Variants in FBXL17 observed in about 807,000 individuals in gnomAD.
FBXL17 encodes F-box/LRR-repeat protein 17.
A neutral mutation model predicts 66.2 loss-of-function variants in FBXL17; 22 were observed. The observed-to-expected ratio is 0.33, with a 90% CI of 0.24 to 0.47. The LOEUF is 0.47. FBXL17 is among the 20% of genes least tolerant of loss of function. The probability of loss-of-function intolerance (pLI) is 1.00; values close to 1 mark genes in which losing one functional copy is unlikely to be tolerated. For synonymous variants in FBXL17, 474 were observed against 400.5 expected (o/e 1.18, Z -2.19); for missense variants, 878 against 948.2 (o/e 0.93, Z 0.97).
In FBXL17 at chr5:108,177,909, ATGTATAT is replaced by A. The variant is rs1385476946; in HGVS notation, c.1745+8201_1745+8207del. Among the ~76,000 whole-genome samples the A allele has an allele frequency of 2.9e-4, 15 of 51,548 alleles. 1 individual carries two copies. In the South Asian group the frequency reaches 0.011, roughly 36 times the overall value. 33.8% of individuals were successfully genotyped at this position (51,548 alleles called of 152,430 possible). A position where few individuals can be genotyped will look rare whatever the true frequency, so the allele number is the denominator to read the frequency against. On this transcript the variant is annotated intron_variant, in intron 6 of 8. Coordinates refer to ENST00000542267, the MANE Select transcript of FBXL17 (RefSeq NM_001163315.3). ...TATTATCCTTGCTCCAGAAAAAAAA[ATGTATAT>A]ATATATATATATATATACACACACA... is the stretch of plus-strand genomic sequence containing the variant.
intron 7 of FBXL17, among the ~76,000 whole-genome samples, chr5:107,908,526 A>C (rs1213805133): frequency 1.3e-5 from 2 of 152,194 alleles, no homozygotes; most frequent in Non-Finnish European, 2.9e-5. Context: ...CATACATAAA[A>C]ACTGAGATAT....
At chr5:108,062,221 T>C (rs1747951363) in intron 6 of FBXL17, among the ~76,000 whole-genome samples, 1 of 152,068 alleles carries the variant, frequency 6.6e-6, no homozygotes, top group Non-Finnish European at 1.5e-5. Flanking sequence ...AGAAGGTACA[T>C]TCAGTAGTAC....
chr5:108,253,027 G>C (rs1048230892), intron 4 of FBXL17, among the ~76,000 whole-genome samples: 1 of 152,066 alleles, frequency 6.6e-6, no homozygotes. Flanking sequence ...AGATTCCAAA[G>C]AACTGCAATA....
At chr5:108,147,422 C>A (rs1230042544) in intron 6 of FBXL17, among the ~76,000 whole-genome samples, 1 of 152,112 alleles carries the variant, frequency 6.6e-6, no homozygotes, top group African/African-American at 2.4e-5. Flanking sequence ...GTGGCTCATG[C>A]CTGTAGTCCC....
chr5:107,994,665 C>A (rs891850966), intron 7 of FBXL17, among the ~76,000 whole-genome samples: 1 of 151,896 alleles, frequency 6.6e-6, no homozygotes, highest in Non-Finnish European at 1.5e-5. Flanking sequence ...TGGTGAAACC[C>A]CATCTCTACC....
At chr5:108,094,683 G>A (rs1016477852) in intron 6 of FBXL17, among the ~76,000 whole-genome samples, 1 of 152,026 alleles carries the variant, frequency 6.6e-6, no homozygotes, top group African/African-American at 2.4e-5. Context: ...ATTGAAAATA[G>A]ATTCCTTTCA....
chr5:107,948,992 C>G (rs1243392008), intron 7 of FBXL17, among the ~76,000 whole-genome samples: 1 of 152,012 alleles, frequency 6.6e-6, no homozygotes, highest in East Asian at 1.9e-4. Context: ...TTGTCTTTTT[C>G]TCATCACTAT....
intron 6 of FBXL17, among the ~76,000 whole-genome samples, chr5:108,065,661 G>A (rs1295032762): frequency 7.2e-5 from 11 of 152,138 alleles, no homozygotes; most frequent in Admixed American, 3.3e-4. Flanking sequence ...CAGTCACATG[G>A]AGTATACTGC....
chr5:108,204,400 G>T (rs1754025822), intron 5 of FBXL17, among the ~76,000 whole-genome samples: 2 of 151,808 alleles, frequency 1.3e-5, no homozygotes, highest in South Asian at 2.1e-4. Flanking sequence ...AGCCCAGGCT[G>T]GTCTTGAACT....
At chr5:108,075,305 T>A (rs1748500347) in intron 6 of FBXL17, among the ~76,000 whole-genome samples, 1 of 152,224 alleles carries the variant, frequency 6.6e-6, no homozygotes, top group Non-Finnish European at 1.5e-5. Context: ...TCATTCTTTA[T>A]CTTCCTCTAA....
intron 7 of FBXL17, among the ~76,000 whole-genome samples, chr5:107,937,782 C>A (rs1406481639): frequency 6.6e-6 from 1 of 152,142 alleles, no homozygotes; most frequent in Non-Finnish European, 1.5e-5. Context: ...CTACACACCT[C>A]TCACTGGCAA....
At chr5:108,043,756 CT>C (rs1747138829) in intron 6 of FBXL17, among the ~76,000 whole-genome samples, 1 of 152,140 alleles carries the variant, frequency 6.6e-6, no homozygotes, top group South Asian at 2.1e-4. Flanking sequence ...AAAAAACTTT[CT>C]GAGATTTTGA....
At position 108,231,213 on chromosome 5, in the gene FBXL17, C is replaced by T. The variant is rs540046801; in HGVS notation, c.1507-6985G>A. ...AAATCCATCCATTTTGAGTATAATT[C>T]GTCAAGTTTTAATAAGTTTATACAG... On this transcript the variant is annotated intron_variant, in intron 4 of 8. Transcript: ENST00000542267. Among the ~76,000 whole-genome samples the T allele has an allele frequency of 1.8e-4, 28 of 152,126 alleles. No individual in the cohort carries two copies. The East Asian group carries it at 4.1e-3, about 22-fold the overall frequency.
At chr5:108,255,986 C>T (rs967861303) in intron 4 of FBXL17, among the ~76,000 whole-genome samples, 4 of 151,996 alleles carry the variant, frequency 2.6e-5, no homozygotes, top group South Asian at 2.1e-4. Flanking sequence ...AGAATAAAGC[C>T]AATTCTGCAA....
At chr5:107,882,882 G>C (rs7712414) in intron 7 of FBXL17, among the ~76,000 whole-genome samples, 22,971 of 152,090 alleles carry the variant, frequency 0.15, 2,656 homozygotes, top group African/African-American at 0.32. Flanking sequence ...GTTTCATTGA[G>C]GTCTGAGGCT....
intron 7 of FBXL17, among the ~76,000 whole-genome samples, chr5:107,999,371 A>G (rs1416743066): frequency 6.6e-6 from 1 of 151,840 alleles, no homozygotes; most frequent in Admixed American, 6.6e-5. Flanking sequence ...AAATATCTAA[A>G]ATTGGACCTA....
At chr5:108,354,766 G>C (rs957975319) in intron 3 of FBXL17, among the ~76,000 whole-genome samples, 1 of 146,526 alleles carries the variant, frequency 6.8e-6, no homozygotes, top group Non-Finnish European at 1.5e-5. Context: ...AATCTAGAAA[G>C]AAGCCACAGG....
chr5:108,242,697 G>A (rs1392790980), intron 4 of FBXL17, among the ~76,000 whole-genome samples: 3 of 152,054 alleles, frequency 2.0e-5, no homozygotes, highest in Non-Finnish European at 4.4e-5. Flanking sequence ...CAACAGTTAC[G>A]AATTCATGGC....
chr5:108,001,734 T>G (rs1375020154), intron 7 of FBXL17, among the ~76,000 whole-genome samples: 1 of 152,038 alleles, frequency 6.6e-6, no homozygotes. Context: ...TCTCCTGACC[T>G]CGTGATCCGC....
Sources: allele counts gnomAD v4.1 joint callset (sites outside exome capture counted in the v4.1 genomes callset), GRCh38; gene constraint gnomAD v4.1.1; transcripts MANE v1.5; gene names NCBI Gene and HGNC (gene_info 2026-07-23, HGNC 2026-07-21).